The following AADACL3 variants were observed in gnomAD, a reference collection of about 807,000 sequenced individuals.
AADACL3 encodes the protein arylacetamide deacetylase-like 3.
Under a neutral mutation model 13.6 loss-of-function variants are expected in AADACL3, and 13 were observed. The observed-to-expected ratio is 0.95, with a 90% CI of 0.62 to 1.52. The LOEUF is 1.52. AADACL3 is among the 40% of genes most tolerant of loss of function. The probability of loss-of-function intolerance (pLI) is 0.00; values close to 1 mark genes in which losing one functional copy is unlikely to be tolerated. For missense variants in AADACL3, 519 were observed against 499.2 expected (o/e 1.04, Z -0.38); for synonymous variants, 195 against 197.0 (o/e 0.99, Z 0.08).
rs1638419037 is a variant in AADACL3 at position 12,728,585 on chromosome 1, C to G, written c.*2589C>G. On this transcript the variant is annotated 3_prime_UTR_variant, in exon 4 of 4. Coordinates refer to ENST00000359318, the MANE Select transcript of AADACL3 (RefSeq NM_001103170.3). ...TGTCTGCGTGGGTTTTCTCTGAGTT[C>G]TCCAGCTTCCTCCCACATTCCAAAG... The G allele has an allele frequency of 6.6e-6, 1 of 152,258 alleles. No homozygotes were observed. The highest frequency in any genetic ancestry group is 1.5e-5 in the Non-Finnish European group (1 of 68,060). 9.4% of individuals were successfully genotyped at this position (152,258 alleles called of 1,614,324 possible).
Position 12,726,098 on chromosome 1 carries a change from G to A in AADACL3, c.*102G>A. 2.2e-6 allele frequency: 3 copies of A among 1,348,910 alleles called. No individual in the cohort carries two copies. The highest frequency in any genetic ancestry group is 3.0e-6 in the Non-Finnish European group (3 of 997,532). The allele number at this position is 1,348,910 out of a possible 1,614,324, so 83.6% of individuals were successfully genotyped here. A position where few individuals can be genotyped will look rare whatever the true frequency, so the allele number is the denominator to read the frequency against. ...TTTAGGTGGTGCATAGTGGGGCTAG[G>A]GAGGGGGTAGAGGTTGCTGTCACCT... On this transcript the variant is annotated 3_prime_UTR_variant, in exon 4 of 4. Coordinates refer to ENST00000359318, the MANE Select transcript of AADACL3 (RefSeq NM_001103170.3).
chr1:12,716,340 C>T lies in AADACL3; in HGVS notation c.164C>T (p.Thr55Ile), dbSNP rs75374747. The change falls in exon 1 of 4, where the codon ACT becomes ATT. Residue 55 changes from threonine (T) to isoleucine (I), a missense_variant. Thr to Ile is a moderately conservative substitution (Grantham distance 89, BLOSUM62 -1). Coordinates refer to ENST00000359318, the MANE Select transcript of AADACL3 (RefSeq NM_001103170.3). ...CATTGCATCTTCCAGCTGCTGTTGA[C>T]TTGGGTGAGTTTTGTGCTTTATGTG... ...VLHCIFQLLL[T>I]WGMIFEKLRI... The T allele has an allele frequency of 8.4e-4, 1,362 of 1,614,182 alleles. 16 individuals are homozygous for T. The East Asian group carries it at 0.021, about 25-fold the overall frequency.
Position 12,716,216 on chromosome 1 carries a change from G to C in AADACL3, c.40G>C (p.Val14Leu). 8.2e-7 allele frequency: 1 copy of C among 1,219,194 alleles called. No homozygotes were observed. The highest frequency in any genetic ancestry group is 1.2e-5 in the South Asian group (1 of 82,572). The allele number at this position is 1,219,194 out of a possible 1,614,324, so 75.5% of individuals were successfully genotyped here. The part of the protein sequence containing the change: ...LALIFLAAAC[V>L]FSLGVTLWVI... ...CCTGATCTTCCTCGCAGCAGCCTGC[G>C]TGTTCTCACTAGGGGTCACTCTGTG... Residue 14 changes from valine to leucine, a missense_variant, in exon 1 of 4, where the codon GTG (valine) becomes CTG (leucine). By Grantham distance (32) the Val-to-Leu change is conservative. Transcript: ENST00000359318.
chr1:12,725,327 C>T lies in AADACL3; in HGVS notation c.555C>T (p.Ala185=), dbSNP rs777785883. The T allele has an allele frequency of 1.4e-5, 23 of 1,614,106 alleles. No homozygotes were observed. Among genetic ancestry groups the T allele is most frequent in the Non-Finnish European group, 1.9e-5 (23 of 1,180,024 alleles). Residue 185 remains alanine, a synonymous_variant, in exon 4 of 4, where the codon GCC becomes GCT. Coordinates refer to ENST00000359318, the MANE Select transcript of AADACL3 (RefSeq NM_001103170.3). ...TGGATGCATATGGAGTGGATCCAGC[C>T]CGGGTTGTGGTCTGCGGTGACAGTT... The part of the protein sequence containing the change: ...KSLDAYGVDP[A]RVVVCGDSFG...
chr1:12,717,212 T>C (rs150933129), intron 1 of AADACL3, among the ~76,000 whole-genome samples: 1 of 152,206 alleles, frequency 6.6e-6, no homozygotes, highest in African/African-American at 2.4e-5. Context: ...TTCAAAAGAA[T>C]GTAGCTATTA....
chr1:12,716,407 A>T, intron 1 of AADACL3, 63 bp downstream of exon 1: 1 of 1,604,370 alleles, frequency 6.2e-7, no homozygotes, highest in Non-Finnish European at 8.5e-7. Flanking sequence ...AGGAAAAATC[A>T]CACACCGGAA....
In AADACL3 at chr1:12,725,439, G is replaced by A. The variant is rs1247765346; in HGVS notation, c.667G>A (p.Ala223Thr). 3.7e-6 allele frequency: 6 copies of A among 1,613,996 alleles called. No individual in the cohort carries two copies. The highest frequency in any genetic ancestry group is 5.1e-6 in the Non-Finnish European group (6 of 1,179,952). Residue 223 changes from alanine (A) to threonine (T), a missense_variant, in exon 4 of 4, where the codon GCC (alanine) becomes ACC (threonine). Physicochemically the swap from Ala to Thr is moderately conservative, Grantham distance 58. Coordinates refer to ENST00000359318, the MANE Select transcript of AADACL3 (RefSeq NM_001103170.3). ...PRIRAQILIYAILQALDLQTP... is the reference protein window; with the variant it reads ...PRIRAQILIYTILQALDLQTP... ...GATCCGGGCTCAGATCCTGATCTAT[G>A]CCATTCTCCAAGCCCTGGATTTACA...
rs776633019 is a variant in AADACL3, at chr1:12,719,466, C to G, written c.169-9C>G. 6.2e-7 allele frequency: 1 copy of G among 1,612,198 alleles called. No individual in the cohort carries two copies. Among genetic ancestry groups the G allele is most frequent in the Non-Finnish European group, 8.5e-7 (1 of 1,178,378 alleles). ...CATCTCGACCCATCATTTCTTCTCT[C>G]TCCAACAGGGGATGATATTTGAGAA... is the stretch of plus-strand genomic sequence containing the variant. On this transcript the variant is annotated splice_polypyrimidine_tract_variant and intron_variant, in intron 1 of 3. Coordinates refer to ENST00000359318, the MANE Select transcript of AADACL3 (RefSeq NM_001103170.3).
intron 1 of AADACL3, among the ~76,000 whole-genome samples, chr1:12,717,971 A>C (rs941672275): frequency 9.2e-5 from 14 of 152,334 alleles, no homozygotes; most frequent in African/African-American, 3.4e-4. Flanking sequence ...AACAAACCAC[A>C]GTCCTGAAAG....
At chr1:12,718,836 C>T (rs2100208709) in intron 1 of AADACL3, among the ~76,000 whole-genome samples, 1 of 152,296 alleles carries the variant, frequency 6.6e-6, no homozygotes, top group South Asian at 2.1e-4. Context: ...TTGACATATA[C>T]CAAAGGGGAA....
At position 12,726,142 on chromosome 1, in the gene AADACL3, A is replaced by T; in HGVS notation, c.*146A>T. The T allele has an allele frequency of 1.2e-6, 1 of 868,742 alleles. No homozygotes were observed. Among genetic ancestry groups the T allele is most frequent in the Non-Finnish European group, 1.7e-6 (1 of 579,882 alleles). 53.8% of individuals were successfully genotyped at this position (868,742 alleles called of 1,614,324 possible). ...GTCACCTTTCTGGTCCAGGTTCTAG[A>T]ACCACACAATGCATGCTCCTGATGT... is the stretch of plus-strand genomic sequence containing the variant. On this transcript the variant is annotated 3_prime_UTR_variant, in exon 4 of 4. Transcript: ENST00000359318.
chr1:12,716,133 A>G lies in AADACL3; in HGVS notation c.-44A>G. On this transcript the variant is annotated 5_prime_UTR_variant, in exon 1 of 4. Coordinates refer to ENST00000359318, the MANE Select transcript of AADACL3 (RefSeq NM_001103170.3). ...CTGAACCATGTCCTAAATGGTTTAC[A>G]CTGCGCACAGCTTCCTCTCAGCCCG... 1.5e-6 allele frequency: 1 copy of G among 655,844 alleles called. No homozygotes were observed. Among genetic ancestry groups the G allele is most frequent in the Non-Finnish European group, 2.8e-6 (1 of 361,838 alleles). 40.6% of individuals were successfully genotyped at this position (655,844 alleles called of 1,614,324 possible). A position where few individuals can be genotyped will look rare whatever the true frequency, so the allele number is the denominator to read the frequency against.
chr1:12,721,323 G>T (rs773417092), intron 3 of AADACL3, among the ~76,000 whole-genome samples: 1 of 152,166 alleles, frequency 6.6e-6, no homozygotes, highest in African/African-American at 2.4e-5. Context: ...AAGCACCTGA[G>T]CCTGGGAGGT....
intron 3 of AADACL3, among the ~76,000 whole-genome samples, chr1:12,723,541 G>A (rs1414259293): frequency 3.9e-5 from 6 of 152,132 alleles, no homozygotes; most frequent in Admixed American, 6.5e-5. Flanking sequence ...ACAGTGGTGC[G>A]ATCTCAGCTC....
chr1:12,720,413 A>G (rs1648549540), intron 2 of AADACL3, among the ~76,000 whole-genome samples: 1 of 152,232 alleles, frequency 6.6e-6, no homozygotes, highest in African/African-American at 2.4e-5. Context: ...ATTACTAATT[A>G]CATGCAGGCA....
chr1:12,716,900 C>T (rs1486564086), intron 1 of AADACL3, among the ~76,000 whole-genome samples: 4 of 152,052 alleles, frequency 2.6e-5, no homozygotes, highest in East Asian at 1.9e-4. Context: ...AGATTAGTGC[C>T]GGTGAGCAAA....
rs3000930 is a variant in AADACL3 at position 12,726,103 on chromosome 1, G to A, written c.*107G>A. ...GTGGTGCATAGTGGGGCTAGGGAGGGGGTAGAGGTTGCTGTCACCTTTCTG... is the reference window on the plus strand; with the variant it reads ...GTGGTGCATAGTGGGGCTAGGGAGGAGGTAGAGGTTGCTGTCACCTTTCTG... On this transcript the variant is annotated 3_prime_UTR_variant, in exon 4 of 4. Transcript: ENST00000359318. 0.26 allele frequency: 340,030 copies of A among 1,291,892 alleles called. 45,718 individuals are homozygous for A. The highest frequency in any genetic ancestry group is 0.28 in the Middle Eastern group (1,025 of 3,632). The allele number at this position is 1,291,892 out of a possible 1,614,324, so 80.0% of individuals were successfully genotyped here.
rs779780350 is a variant in AADACL3, at chr1:12,725,419, G to A, written c.647G>A (p.Arg216Gln). Residue 216 changes from arginine to glutamine, a missense_variant, in exon 4 of 4, where the codon CGG becomes CAG. Arg to Gln is a conservative substitution (Grantham distance 43, BLOSUM62 1). Transcript: ENST00000359318. Reference sequence around the variant, plus strand: ...GACAGGCCAGATCTGCCCCGGATCCGGGCTCAGATCCTGATCTATGCCATT... The same window carrying A: ...GACAGGCCAGATCTGCCCCGGATCCAGGCTCAGATCCTGATCTATGCCATT... ...LVDRPDLPRI[R>Q]AQILIYAILQ... is the part of the protein sequence containing the mutation. 23 of 1,613,958 alleles carry A rather than the reference G, an allele frequency of 1.4e-5. No individual in the cohort carries two copies. Among genetic ancestry groups the A allele is most frequent in the East Asian group, 2.2e-5 (1 of 44,872 alleles).
chr1:12,719,800 C>CTTTT (rs1158166387), intron 2 of AADACL3, 109 bp downstream of exon 2: 2 of 1,161,650 alleles, frequency 1.7e-6, no homozygotes, highest in Non-Finnish European at 2.5e-6. Flanking sequence ...TATCAGGGAA[C>CTTTT]ACCAGGGCAG....
Sources: allele counts gnomAD v4.1 joint callset (sites outside exome capture counted in the v4.1 genomes callset), GRCh38; gene constraint gnomAD v4.1.1; transcripts MANE v1.5; gene names NCBI Gene and HGNC (gene_info 2026-07-23, HGNC 2026-07-21).